The following EPB41L3 variants were observed in gnomAD, a reference collection of about 807,000 sequenced individuals.
The protein encoded by EPB41L3 is erythrocyte membrane protein band 4.1 like 3.
In EPB41L3, 57 loss-of-function variants were observed where a neutral mutation model predicts 127.1. The observed-to-expected ratio is 0.45, with a 90% confidence interval of 0.36 to 0.56. The LOEUF is 0.56. Ranked by LOEUF, EPB41L3 falls within the 20% of genes least tolerant of loss-of-function variation. EPB41L3 has a pLI of 0.00. For synonymous variants in EPB41L3, 572 were observed against 549.5 expected, an observed-to-expected ratio of 1.04 and a Z score of -0.57; for missense variants, 1,273 against 1,372.2, an observed-to-expected ratio of 0.93 and a Z score of 1.14.
At chr18:5,577,009 C>G (rs2094342725) in intron 3 of EPB41L3, among the ~76,000 whole-genome samples, 1 of 151,896 alleles carries the variant, frequency 6.6e-6, no homozygotes. Flanking sequence ...GTCAGGCTGG[C>G]ATGTACTAAG....
At chr18:5,585,570 T>G (rs2094434983) in intron 3 of EPB41L3, among the ~76,000 whole-genome samples, 1 of 152,210 alleles carries the variant, frequency 6.6e-6, no homozygotes, top group African/African-American at 2.4e-5. Context: ...ATTTAAAAGA[T>G]TCTATTGAAT....
intron 9 of EPB41L3, among the ~76,000 whole-genome samples, chr18:5,425,136 A>G (rs75011343): frequency 0.017 from 2,565 of 152,256 alleles, 44 homozygotes; most frequent in African/African-American, 0.046. Context: ...TAAACAGTAA[A>G]GGCTTCCCCA....
At chr18:5,445,590 T>C (rs772314764) in intron 3 of EPB41L3, among the ~76,000 whole-genome samples, 4 of 152,194 alleles carry the variant, frequency 2.6e-5, no homozygotes, top group Non-Finnish European at 5.9e-5. Context: ...AACATAAAAA[T>C]TCTGACAGTG....
intron 3 of EPB41L3, among the ~76,000 whole-genome samples, chr18:5,456,949 C>T (rs1008518508): frequency 6.6e-6 from 1 of 152,228 alleles, no homozygotes; most frequent in Non-Finnish European, 1.5e-5. Flanking sequence ...AGCAGGGAGG[C>T]GCGCTCACTG....
In EPB41L3 at chr18:5,434,021, C is replaced by G. The variant is rs768186514; in HGVS notation, c.706G>C (p.Glu236Gln). 5 of 1,614,152 alleles carry G rather than the reference C, an allele frequency of 3.1e-6. No individual in the cohort carries two copies. The highest frequency in any genetic ancestry group is 4.2e-6 in the Non-Finnish European group (5 of 1,180,022). The change falls in exon 7 of 23, where the codon GAG becomes CAG. Residue 236 changes from glutamate (E) to glutamine (Q), a missense_variant. Transcript: ENST00000341928. Reference sequence around the variant, plus strand: ...TCATCTGGGTCATAGTCTCCGAGCTCTGACTGGACAGTGTAGGAGCCCAGC... The same window carrying G: ...TCATCTGGGTCATAGTCTCCGAGCTGTGACTGGACAGTGTAGGAGCCCAGC... ...ALLGSYTVQS[E>Q]LGDYDPDECG...
At chr18:5,604,446 T>C (rs946514847) in intron 3 of EPB41L3, among the ~76,000 whole-genome samples, 10 of 152,126 alleles carry the variant, frequency 6.6e-5, no homozygotes, top group Admixed American at 2.6e-4. Flanking sequence ...ATCCATTTTA[T>C]TAAAAACCAT....
chr18:5,518,875 C>T (rs73381516), intron 1 of EPB41L3, among the ~76,000 whole-genome samples: 1,622 of 152,172 alleles, frequency 0.011, 30 homozygotes, highest in African/African-American at 0.037. Context: ...AAAAGGAGTA[C>T]GCAAATTAAA....
intron 5 of EPB41L3, among the ~76,000 whole-genome samples, chr18:5,440,965 C>T (rs990940034): frequency 9.2e-5 from 14 of 152,310 alleles, no homozygotes; most frequent in African/African-American, 3.4e-4. Flanking sequence ...CAGCCTTGAA[C>T]TCCTGGGCTC....
At chr18:5,412,760 C>T (rs888452443) in intron 13 of EPB41L3, among the ~76,000 whole-genome samples, 1 of 151,400 alleles carries the variant, frequency 6.6e-6, no homozygotes, top group South Asian at 2.1e-4. Context: ...GGGCACTTTT[C>T]ATATTTTAAT....
At chr18:5,451,899 C>T (rs1280597450) in intron 3 of EPB41L3, among the ~76,000 whole-genome samples, 3 of 152,118 alleles carry the variant, frequency 2.0e-5, no homozygotes, top group Non-Finnish European at 4.4e-5. Context: ...AGTCCAGTGG[C>T]GTGATCTCGG....
Position 5,428,319 on chromosome 18 carries a change from C to G in EPB41L3, c.1059G>C (p.Pro353=). The change falls in exon 9 of 23, where the codon CCG becomes CCC. Residue 353 remains proline (P), a synonymous_variant. Transcript: ENST00000341928. The part of the protein sequence containing the change: ...KRNNFYIKIR[P]GEFEQFESTI... ...CAAATGTGGGTATACTTACCTCTCC[C>G]GGCCGGATCTTAATGTAAAAGTTGT... 6.2e-7 allele frequency: 1 copy of G among 1,614,098 alleles called. No homozygotes were observed. Among genetic ancestry groups the G allele is most frequent in the Non-Finnish European group, 8.5e-7 (1 of 1,180,030 alleles).
chr18:5,580,467 TATAG>T (rs967387279), intron 3 of EPB41L3, among the ~76,000 whole-genome samples: 7 of 152,116 alleles, frequency 4.6e-5, no homozygotes, highest in Non-Finnish European at 5.9e-5. Flanking sequence ...CTCACAAATA[TATAG>T]ATACAGACTC....
intron 1 of EPB41L3, among the ~76,000 whole-genome samples, chr18:5,533,749 T>A (rs2093482669): frequency 6.6e-6 from 1 of 152,224 alleles, no homozygotes; most frequent in South Asian, 2.1e-4. Context: ...TTCTGACCAT[T>A]ATGCTACATA....
At chr18:5,511,043 CA>C (rs1375742639) in intron 1 of EPB41L3, among the ~76,000 whole-genome samples, 1 of 151,944 alleles carries the variant, frequency 6.6e-6, no homozygotes, top group African/African-American at 2.4e-5. Context: ...GCTCCTCAAC[CA>C]GTGGGTATTC....
rs2076079263 is a variant in EPB41L3 at position 5,410,604 on chromosome 18, T to A, written c.2083A>T (p.Thr695Ser). The change falls in exon 14 of 23, where the codon ACG (threonine) becomes TCG (serine). Residue 695 changes from threonine (T) to serine (S), a missense_variant. This residue lies in a region of EPB41L3 where 765 missense variants were observed against 782.9 expected (regional missense o/e 0.98). Transcript: ENST00000341928. ...GTCTCCCCGTCGGCTGCGGTGTCCG[T>A]GCGCTCACTGTCAGTCTGTTGACCA... ...SSEEETDSER[T>S]DTAADGETTA... 1 of 1,613,688 alleles carries A rather than the reference T, an allele frequency of 6.2e-7. No homozygotes were observed. The highest frequency in any genetic ancestry group is 1.3e-5 in the African/African-American group (1 of 75,040).
intron 13 of EPB41L3, 48 bp downstream of exon 13, chr18:5,415,770 C>T (rs1448742598): frequency 1.9e-6 from 3 of 1,562,506 alleles, no homozygotes; most frequent in Admixed American, 1.7e-5. Context: ...GTTTCGGACT[C>T]AAGCACGGAA....
rs189728099 is a variant in EPB41L3 at position 5,509,684 on chromosome 18, T to C, written c.-11-20490A>G. On this transcript the variant is annotated intron_variant, in intron 1 of 22. Coordinates refer to ENST00000341928, the MANE Select transcript of EPB41L3 (RefSeq NM_012307.5). Reference sequence around the variant, plus strand: ...AAATTCCTACCAATAGGGTATATGTTGTTTTTGCTACCATTCTGCTTTGTT... The same window carrying C: ...AAATTCCTACCAATAGGGTATATGTCGTTTTTGCTACCATTCTGCTTTGTT... Among the ~76,000 whole-genome samples, 393 of 152,340 alleles carry C rather than the reference T, an allele frequency of 2.6e-3. 2 individuals carry two copies. The highest frequency in any genetic ancestry group is 9.0e-3 in the African/African-American group (376 of 41,578).
intron 3 of EPB41L3, among the ~76,000 whole-genome samples, chr18:5,562,881 G>A (rs76861862): frequency 0.016 from 2,377 of 152,328 alleles, 35 homozygotes; most frequent in Non-Finnish European, 0.024. Flanking sequence ...ACTTAGTAAT[G>A]TACAGTATTA....
At chr18:5,437,017 G>A (rs2079944423) in intron 6 of EPB41L3, among the ~76,000 whole-genome samples, 1 of 152,148 alleles carries the variant, frequency 6.6e-6, no homozygotes, top group African/African-American at 2.4e-5. Context: ...GCACAAAATT[G>A]CTTTGACTGG....
Sources: allele counts gnomAD v4.1 joint callset (sites outside exome capture counted in the v4.1 genomes callset), GRCh38; gene constraint gnomAD v4.1.1; regional missense constraint gnomAD v4.1.1; transcripts MANE v1.5; gene names NCBI Gene and HGNC (gene_info 2026-07-23, HGNC 2026-07-21).